Variants in NCOR1 observed in about 807,000 individuals in gnomAD.
NCOR1 encodes the protein protein phosphatase 1, regulatory subunit 109.
In NCOR1, 63 loss-of-function variants were observed where a neutral mutation model predicts 288.1. That is an observed-to-expected ratio of 0.22 (90% confidence interval 0.18 to 0.27). The LOEUF (loss-of-function observed/expected upper bound fraction) is 0.27. NCOR1 is among the 10% of genes least tolerant of loss of function. NCOR1 has a pLI of 1.00. For synonymous variants in NCOR1, 1,007 were observed against 1,065.9 expected, an observed-to-expected ratio of 0.94 and a Z score of 1.08; for missense variants, 2,397 against 3,019.2, an observed-to-expected ratio of 0.79 and a Z score of 4.83.
Position 16,101,437 on chromosome 17 carries a change from T to C in NCOR1, c.2503A>G (p.Lys835Glu), listed in dbSNP as rs775855053. The change falls in exon 20 of 46, where the codon AAA becomes GAA. Residue 835 changes from lysine (K) to glutamate (E), a missense_variant. This residue lies in a region of NCOR1 where 1,872 missense variants were observed against 2,187.8 expected (regional missense o/e 0.86). Transcript: ENST00000268712. The part of the protein sequence containing the change: ...EVRVPENHAS[K>E]VEGDNTKERD... The stretch of plus-strand genomic sequence containing the variant: ...TCTTTGGTATTATCACCTTCAACTT[T>C]AGATGCATGGTTTTCTGGCACCCTC... 11 of 1,614,072 alleles carry C rather than the reference T, an allele frequency of 6.8e-6. No homozygotes were observed. The highest frequency in any genetic ancestry group is 1.3e-5 in the African/African-American group (1 of 74,912).
At chr17:16,037,519 A>G (rs1302778280) in intron 44 of NCOR1, among the ~76,000 whole-genome samples, 1 of 152,212 alleles carries the variant, frequency 6.6e-6, no homozygotes, top group African/African-American at 2.4e-5. Context: ...TGCCATTAAA[A>G]TGTGGTAATT....
intron 44 of NCOR1, among the ~76,000 whole-genome samples, chr17:16,038,590 C>A (rs2056916430): frequency 6.6e-6 from 1 of 152,012 alleles, no homozygotes; most frequent in Non-Finnish European, 1.5e-5. Flanking sequence ...GCGTGAGCCA[C>A]CACACCCAGC....
At chr17:16,212,647 T>C (rs2092241336) in intron 1 of NCOR1, among the ~76,000 whole-genome samples, 1 of 152,164 alleles carries the variant, frequency 6.6e-6, no homozygotes, top group African/African-American at 2.4e-5. Flanking sequence ...AACCAAAACA[T>C]ATTTTTTAAA....
intron 2 of NCOR1, among the ~76,000 whole-genome samples, chr17:16,188,144 C>A (rs2087141963): frequency 1.3e-5 from 2 of 151,958 alleles, no homozygotes; most frequent in Admixed American, 6.6e-5. Context: ...TATATGAATT[C>A]TGTGTCAACA....
In NCOR1 at chr17:16,031,689, A is replaced by C. The variant is rs1972028531; in HGVS notation, c.*607T>G. ...CTTTTGACCCTAATGTACAGATTTT[A>C]TGACAGGGTCTGTGTTAAAAATCTA... On this transcript the variant is annotated 3_prime_UTR_variant, in exon 46 of 46. Transcript: ENST00000268712. The C allele has an allele frequency of 4.4e-6, 1 of 227,622 alleles. No individual in the cohort carries two copies. Among genetic ancestry groups the C allele is most frequent in the South Asian group, 1.8e-4 (1 of 5,492 alleles). 14.1% of individuals were successfully genotyped at this position (227,622 alleles called of 1,614,324 possible).
chr17:16,151,117 T>A (rs1181488247), intron 8 of NCOR1, among the ~76,000 whole-genome samples: 2 of 151,796 alleles, frequency 1.3e-5, no homozygotes, highest in Non-Finnish European at 2.9e-5. Flanking sequence ...GTTCTGCTTA[T>A]ACTTAATAAA....
intron 10 of NCOR1, among the ~76,000 whole-genome samples, chr17:16,144,190 C>T (rs1424986165): frequency 6.6e-6 from 1 of 152,106 alleles, no homozygotes; most frequent in Non-Finnish European, 1.5e-5. Flanking sequence ...TAAAACAAAT[C>T]AGAATCTATC....
At chr17:16,073,258 CTT>C (rs1272066668) in intron 28 of NCOR1, among the ~76,000 whole-genome samples, 169 bp downstream of exon 28, 9 of 151,986 alleles carry the variant, frequency 5.9e-5, no homozygotes, top group Non-Finnish European at 1.3e-4. Context: ...CAGATATAAA[CTT>C]AATATAAATA....
chr17:16,096,749 C>T (rs1259128778), intron 21 of NCOR1, among the ~76,000 whole-genome samples: 1 of 152,102 alleles, frequency 6.6e-6, no homozygotes, highest in East Asian at 1.9e-4. Context: ...ATCTTCCTAC[C>T]CTTCTCTCCC....
intron 11 of NCOR1, among the ~76,000 whole-genome samples, chr17:16,142,753 G>C (rs2077331839): frequency 6.6e-6 from 1 of 152,160 alleles, no homozygotes. Flanking sequence ...TCTGTTTTGG[G>C]AAAGTGAGTG....
intron 43 of NCOR1, chr17:16,040,054 T>A: frequency 2.4e-6 from 1 of 420,316 alleles, no homozygotes; most frequent in African/African-American, 2.0e-5. Context: ...CCTCCCAAAG[T>A]GCTGGGATTA....
chr17:16,215,418 G>T lies in NCOR1; in HGVS notation c.-127C>A. 2.5e-6 allele frequency: 1 copy of T among 396,324 alleles called. No homozygotes were observed. The highest frequency in any genetic ancestry group is 4.5e-6 in the Non-Finnish European group (1 of 224,496). The allele number at this position is 396,324 out of a possible 1,614,324, so 24.6% of individuals were successfully genotyped here. On this transcript the variant is annotated 5_prime_UTR_variant, in exon 1 of 46. Coordinates refer to ENST00000268712, the MANE Select transcript of NCOR1 (RefSeq NM_006311.4). ...CGCCCCGGCCTGAGGAGTGGGACGCGGCCACGGCGCGCGGCCCTACACCGG... is the reference window on the plus strand; with the variant it reads ...CGCCCCGGCCTGAGGAGTGGGACGCTGCCACGGCGCGCGGCCCTACACCGG...
rs923698719 is a variant in NCOR1, at chr17:16,149,532, T to C, written c.843-15A>G. On this transcript the variant is annotated splice_polypyrimidine_tract_variant and intron_variant, in intron 8 of 45. Coordinates refer to ENST00000268712, the MANE Select transcript of NCOR1 (RefSeq NM_006311.4). The stretch of plus-strand genomic sequence containing the variant: ...TCACCTGGTTTCTAGAAGAGAAAAA[T>C]ATGGTTGCATGACATTAAGAAAAAG... The C allele has an allele frequency of 4.4e-6, 6 of 1,353,458 alleles. No homozygotes were observed. The highest frequency in any genetic ancestry group is 4.1e-6 in the Non-Finnish European group (4 of 976,112). The allele number at this position is 1,353,458 out of a possible 1,614,324, so 83.8% of individuals were successfully genotyped here.
rs753204457 is a variant in NCOR1 at position 16,057,725 on chromosome 17, G to T, written c.6181C>A (p.Gln2061Lys). The T allele has an allele frequency of 2.5e-6, 4 of 1,613,800 alleles. No homozygotes were observed. Among genetic ancestry groups the T allele is most frequent in the South Asian group, 1.1e-5 (1 of 91,044 alleles). ...GAAACTTGATTTCTAGCAAAATCTT[G>T]TGTGATAATTTGCTGTGAATGAGAA... ...LADHICQIIT[Q>K]DFARNQVSSQ... Residue 2061 changes from glutamine to lysine, a missense_variant, in exon 40 of 46, where the codon CAA becomes AAA. By Grantham distance (53) the Gln-to-Lys change is moderately conservative (BLOSUM62 1). This residue lies in a region of NCOR1 where 1,872 missense variants were observed against 2,187.8 expected (regional missense o/e 0.86). Transcript: ENST00000268712.
chr17:16,165,148 C>G lies in NCOR1; in HGVS notation c.449G>C (p.Gly150Ala), dbSNP rs1278688023. ...SADAKKDPAF[G>A]GKHEAPSSPI... ...AGAGGATGGAGCTTCATGTTTGCCT[C>G]CGAATGCTGGATCCTTTAGAGAATA... Residue 150 changes from glycine to alanine, a missense_variant, in exon 5 of 46, where the codon GGA becomes GCA. Transcript: ENST00000268712. The G allele has an allele frequency of 1.3e-6, 2 of 1,595,926 alleles. No homozygotes were observed. The highest frequency in any genetic ancestry group is 1.7e-6 in the Non-Finnish European group (2 of 1,175,754).
At chr17:16,180,432 C>CA (rs547395722) in intron 3 of NCOR1, among the ~76,000 whole-genome samples, 4 of 152,248 alleles carry the variant, frequency 2.6e-5, no homozygotes, top group African/African-American at 9.6e-5. Flanking sequence ...GTTGTATACT[C>CA]AAAAGGAATG....
chr17:16,146,190 C>T (rs1001527551), intron 10 of NCOR1, among the ~76,000 whole-genome samples, 186 bp downstream of exon 10: 10 of 152,074 alleles, frequency 6.6e-5, no homozygotes, highest in Non-Finnish European at 1.3e-4. Context: ...CCTAGGAAAA[C>T]CAGAGACCTT....
At chr17:16,105,689 C>T (rs1189831471) in intron 19 of NCOR1, among the ~76,000 whole-genome samples, 1 of 152,018 alleles carries the variant, frequency 6.6e-6, no homozygotes, top group Non-Finnish European at 1.5e-5. Flanking sequence ...ATATATGAGC[C>T]TGGAGTTCAC....
In NCOR1 at chr17:16,065,233, T is replaced by A. The variant is rs531225677; in HGVS notation, c.4952-214A>T. ...CAGTAACCTCAAAGTATGGGCAGAT[T>A]AAAGAGAGCAAATTTGTAAGCCATG... On this transcript the variant is annotated intron_variant, in intron 33 of 45. Transcript: ENST00000268712. Among the ~76,000 whole-genome samples, 4 of 152,288 alleles carry A rather than the reference T, an allele frequency of 2.6e-5. No homozygotes were observed. In the East Asian group the frequency reaches 5.8e-4, roughly 22 times the overall value.
Sources: gnomAD v4.1 joint callset for allele counts (sites outside exome capture counted in the v4.1 genomes callset) on GRCh38, gnomAD v4.1.1 for gene constraint, gnomAD v4.1.1 regional missense constraint, MANE v1.5 for transcripts, NCBI Gene and HGNC (gene_info 2026-07-23, HGNC 2026-07-21) for gene names.